The following TNS2 variants were observed in gnomAD, a reference collection of about 807,000 sequenced individuals.
TNS2 encodes the protein tensin-2.
Under a neutral mutation model 155.7 loss-of-function variants are expected in TNS2, and 77 were observed. The ratio of observed to expected loss-of-function variants is 0.49; its 90% CI spans 0.41 to 0.60. TNS2 has a LOEUF of 0.60. Among genes scored for constraint, TNS2 ranks in the 20% least tolerant of loss-of-function variants. The pLI is 0.00. For missense variants in TNS2, 1,703 were observed against 1,868.8 expected (o/e 0.91, Z 1.64); for synonymous variants, 726 against 763.9 (o/e 0.95, Z 0.82).
chr12:53,058,979 T>C, intron 17 of TNS2, 68 bp from the exon 18 acceptor site: 1 of 1,536,746 alleles, frequency 6.5e-7, no homozygotes, highest in Non-Finnish European at 8.8e-7. Context: ...CCATCCCCTC[T>C]CATGAATTTT....
Position 53,057,055 on chromosome 12 carries a change from C to A in TNS2, c.804C>A (p.Cys268Ter), listed in dbSNP as rs369671535. The change falls in exon 11 of 29, where the codon TGC (cysteine) becomes TGA (stop). Residue 268 changes from cysteine (C) to a stop codon, truncating the protein, a stop_gained. Transcript: ENST00000314250. LOFTEE classifies it high-confidence loss of function. ...CCACTCTTACCATGCGGAAATTCTG[C>A]GAGGACAAGGTGGCCACAGAACTGC... Reference protein sequence around the residue: ...ALATLTMRKFCEDKVATELQP... With the variant: ...ALATLTMRKF The A allele has an allele frequency of 8.1e-6, 13 of 1,613,616 alleles. No homozygotes were observed. The Admixed American group carries it at 2.2e-4, about 27-fold the overall frequency.
At chr12:53,054,046 A>C (rs374618963) in intron 6 of TNS2, 32 bp downstream of exon 6, 2 of 1,613,058 alleles carry the variant, frequency 1.2e-6, no homozygotes, top group Non-Finnish European at 8.5e-7. Context: ...GTCCCACGTG[A>C]CCCCCTTTCC....
Position 53,058,432 on chromosome 12 carries a change from C to T in TNS2, c.1212C>T (p.Asp404=), listed in dbSNP as rs1944240274. The T allele has an allele frequency of 3.1e-6, 5 of 1,614,052 alleles. No homozygotes were observed. Among genetic ancestry groups the T allele is most frequent in the Admixed American group, 3.3e-5 (2 of 60,000 alleles). The change falls in exon 15 of 29, where the codon GAC becomes GAT. Residue 404 remains aspartate (D), a synonymous_variant. Coordinates refer to ENST00000314250, the MANE Select transcript of TNS2 (RefSeq NM_170754.4). Reference sequence around the variant, plus strand: ...TCACTTTCCCCAAGGACCAGCTTGACGAGGCCTGGACTGGTGAGTCTGAGA... The same window carrying T: ...TCACTTTCCCCAAGGACCAGCTTGATGAGGCCTGGACTGGTGAGTCTGAGA... ...PQLTFPKDQL[D]EAWTDERFPF...
At position 53,061,898 on chromosome 12, in the gene TNS2, C is replaced by G; in HGVS notation, c.3532C>G (p.Leu1178Val). ...ATTCCAAGGAGCTTATGGGCTGGCCCTCAAGGTGGCCACACCGCCACCCAG... is the reference window on the plus strand; with the variant it reads ...ATTCCAAGGAGCTTATGGGCTGGCCGTCAAGGTGGCCACACCGCCACCCAG... ...HSFQGAYGLA[L>V]KVATPPPSAQ... The change falls in exon 22 of 29, where the codon CTC becomes GTC. Residue 1178 changes from leucine to valine, a missense_variant. By Grantham distance (32) the Leu-to-Val change is conservative. Coordinates refer to ENST00000314250, the MANE Select transcript of TNS2 (RefSeq NM_170754.4). 1 of 1,613,518 alleles carries G rather than the reference C, an allele frequency of 6.2e-7. No homozygotes were observed. The highest frequency in any genetic ancestry group is 8.5e-7 in the Non-Finnish European group (1 of 1,179,960).
Position 53,059,639 on chromosome 12 carries a change from T to A in TNS2, c.1998T>A (p.Phe666Leu), listed in dbSNP as rs747408520. The A allele has an allele frequency of 1.2e-6, 2 of 1,613,198 alleles. No homozygotes were observed. Among genetic ancestry groups the A allele is most frequent in the Admixed American group, 3.3e-5 (2 of 59,990 alleles). Residue 666 changes from phenylalanine (F) to leucine (L), a missense_variant, in exon 18 of 29, where the codon TTT becomes TTA. Physicochemically the swap from Phe to Leu is conservative, Grantham distance 22. Transcript: ENST00000314250. The surrounding 1 kb of genome is among the most constrained non-coding windows in gnomAD (Gnocchi z 4.7). ...TGGGGAAACCAGCCACTGGGGACTT[T>A]GGCTACCGCGCCCCAGGCTACCGGG... ...PEMGKPATGDFGYRAPGYREV... is the reference protein window; with the variant it reads ...PEMGKPATGDLGYRAPGYREV...
intron 7 of TNS2, 123 bp downstream of exon 7, chr12:53,054,564 G>A (rs1944069511): frequency 8.5e-6 from 10 of 1,172,846 alleles, no homozygotes; most frequent in Non-Finnish European, 1.1e-5. Flanking sequence ...GAGTGGTGGG[G>A]TGGGGGCGGG....
Position 53,057,896 on chromosome 12 carries a change from C to G in TNS2, c.1019+63C>G, listed in dbSNP as rs1006163628. On this transcript the variant is annotated intron_variant, in intron 13 of 28. Coordinates refer to ENST00000314250, the MANE Select transcript of TNS2 (RefSeq NM_170754.4). ...CCAGGGCCCCTCTTGCTCCTGCATT[C>G]CTGCTTCTCCAGCCTCCCTAGACAC... is the stretch of plus-strand genomic sequence containing the variant. 2.5e-6 allele frequency: 4 copies of G among 1,611,650 alleles called. No homozygotes were observed. In the Admixed American group the frequency reaches 6.7e-5, roughly 27 times the overall value.
At chr12:53,054,225 C>T (rs377692169) in intron 6 of TNS2, 45 bp from the exon 7 acceptor site, 24 of 1,609,100 alleles carry the variant, frequency 1.5e-5, no homozygotes, top group Non-Finnish European at 2.0e-5. Flanking sequence ...TAGCCACCTC[C>T]GGGTGCCCCG....
chr12:53,049,488 C>A (rs143495919), upstream of TNS2, among the ~76,000 whole-genome samples: 561 of 152,280 alleles, frequency 3.7e-3, 4 homozygotes, highest in African/African-American at 0.013. Context: ...CTGAGCAAAG[C>A]AGTCTTGTGG....
rs1420352529 is a variant in TNS2 at position 53,054,447 on chromosome 12, G to A, written c.522+6G>A. ...AGCACCGGGACAAGTACCTGGTGAG[G>A]GGCGGGGCCATCAGGAGTCCGCCAA... On this transcript the variant is annotated splice_donor_region_variant and intron_variant, in intron 7 of 28. Coordinates refer to ENST00000314250, the MANE Select transcript of TNS2 (RefSeq NM_170754.4). The A allele has an allele frequency of 1.9e-6, 3 of 1,593,642 alleles. No homozygotes were observed. Among genetic ancestry groups the A allele is most frequent in the Non-Finnish European group, 2.6e-6 (3 of 1,172,876 alleles).
At chr12:53,054,051 C>T (rs747232238) in intron 6 of TNS2, 37 bp downstream of exon 6, 1 of 1,613,518 alleles carries the variant, frequency 6.2e-7, no homozygotes, top group Non-Finnish European at 8.5e-7. Context: ...ACGTGACCCC[C>T]TTTCCGCCGG....
Position 53,060,161 on chromosome 12 carries a change from A to G in TNS2, c.2520A>G (p.Gln840=), listed in dbSNP as rs1053278198. The part of the protein sequence containing the change: ...SISPGSPPYP[Q]SRKLSYEIPT... ...CCCCGGGCAGCCCGCCCTATCCACA[A>G]TCTAGGAAGCTGAGCTACGAGATCC... Residue 840 remains glutamine, a synonymous_variant, in exon 18 of 29, where the codon CAA becomes CAG. Coordinates refer to ENST00000314250, the MANE Select transcript of TNS2 (RefSeq NM_170754.4). This position sits in a 1 kb window ranked among gnomAD's most constrained non-coding sequence, Gnocchi z 6.1. 2 of 1,608,036 alleles carry G rather than the reference A, an allele frequency of 1.2e-6. No homozygotes were observed. Among genetic ancestry groups the G allele is most frequent in the Non-Finnish European group, 1.7e-6 (2 of 1,177,146 alleles).
At chr12:53,058,692 A>G (rs375681899) in intron 16 of TNS2, 22 bp from the exon 17 acceptor site, 14 of 1,613,922 alleles carry the variant, frequency 8.7e-6, no homozygotes, top group East Asian at 4.5e-5. Flanking sequence ...CTGCTCCCCA[A>G]TACCCGAGTG....
intron 2 of TNS2, 83 bp from the exon 3 acceptor site, chr12:53,052,372 G>C (rs928574241): frequency 3.8e-6 from 6 of 1,572,206 alleles, no homozygotes; most frequent in Non-Finnish European, 5.2e-6. Context: ...TCTGGTTCCA[G>C]GGTCTGGGAG....
upstream of TNS2, among the ~76,000 whole-genome samples, chr12:53,048,032 G>A (rs934563358): frequency 2.0e-5 from 3 of 152,228 alleles, no homozygotes; most frequent in African/African-American, 4.8e-5. Context: ...CCCGGCTGGG[G>A]GAGAGGTTGA....
At chr12:53,050,062 G>GCCAGACAGCCTAC, upstream of TNS2, 1 of 1,514,374 alleles carries the variant, frequency 6.6e-7, no homozygotes, top group South Asian at 1.2e-5. This position sits in a 1 kb window ranked among gnomAD's most constrained non-coding sequence, Gnocchi z 4.7. Context: ...CCTCACACCA[G>GCCAGACAGCCTAC]CCAGACAGCC....
In TNS2 at chr12:53,050,612, G is replaced by C. The variant is rs1943896367; in HGVS notation, c.75+352G>C. On this transcript the variant is annotated intron_variant, in intron 1 of 28. Transcript: ENST00000314250. The surrounding 1 kb of genome is among the most constrained non-coding windows in gnomAD (Gnocchi z 4.7). ...CAGAGATCATCAGGCCCCTTCCCTG[G>C]CCCAGGGAAGTTTGAGGGAAATGGG... Among the ~76,000 whole-genome samples, 1 of 152,124 alleles carries C rather than the reference G, an allele frequency of 6.6e-6. No individual in the cohort carries two copies. The highest frequency in any genetic ancestry group is 2.4e-5 in the African/African-American group (1 of 41,422).
intron 10 of TNS2, among the ~76,000 whole-genome samples, chr12:53,056,769 AC>A (rs1944174126): frequency 6.6e-6 from 1 of 152,224 alleles, no homozygotes; most frequent in Admixed American, 6.5e-5. Context: ...ATATAATTCA[AC>A]CCATAAGATG....
At position 53,060,106 on chromosome 12, in the gene TNS2, G is replaced by A. The variant is rs1379494534; in HGVS notation, c.2465G>A (p.Gly822Asp). Residue 822 changes from glycine to aspartate, a missense_variant, in exon 18 of 29, where the codon GGT (glycine) becomes GAT (aspartate). Physicochemically the swap from Gly to Asp is moderately conservative, Grantham distance 94. Coordinates refer to ENST00000314250, the MANE Select transcript of TNS2 (RefSeq NM_170754.4). This position sits in a 1 kb window ranked among gnomAD's most constrained non-coding sequence, Gnocchi z 6.1. ...GAGGGCAGAGGGTATCCCAGCCCTG[G>A]TGCCCACTCCCCACGGGCTGGCTCC... ...PGEGRGYPSP[G>D]AHSPRAGSIS... The A allele has an allele frequency of 6.2e-7, 1 of 1,610,994 alleles. No individual in the cohort carries two copies. The highest frequency in any genetic ancestry group is 8.5e-7 in the Non-Finnish European group (1 of 1,178,554).
Sources: allele counts gnomAD v4.1 joint callset (sites outside exome capture counted in the v4.1 genomes callset), GRCh38; gene constraint gnomAD v4.1.1; non-coding constraint Gnocchi (gnomAD v3.1); transcripts MANE v1.5; gene names NCBI Gene and HGNC (gene_info 2026-07-23, HGNC 2026-07-21).